The following CLVS2 variants were observed in gnomAD, a reference collection of about 807,000 sequenced individuals.
CLVS2 encodes the protein clavesin-2.
A neutral mutation model predicts 29.0 loss-of-function variants in CLVS2; 19 were observed. That is an observed-to-expected ratio of 0.66 (90% CI 0.46 to 0.96). The LOEUF is 0.96. Ranked by LOEUF, CLVS2 falls within the 40% of genes least tolerant of loss-of-function variation. CLVS2 has a pLI of 0.00. For missense variants in CLVS2, 294 were observed against 404.1 expected (o/e 0.73, Z 2.34); for synonymous variants, 161 against 151.3 (o/e 1.06, Z -0.47).
intron 2 of CLVS2, among the ~76,000 whole-genome samples, chr6:123,008,335 T>A (rs1774700000): frequency 6.6e-6 from 1 of 152,176 alleles, no homozygotes; most frequent in Admixed American, 6.5e-5. Flanking sequence ...TTTTGGGATT[T>A]GCCTTATATT....
chr6:123,056,521 G>A (rs1772696191), intron 5 of CLVS2, among the ~76,000 whole-genome samples: 1 of 152,054 alleles, frequency 6.6e-6, no homozygotes, highest in South Asian at 2.1e-4. Flanking sequence ...GCAATTATCT[G>A]TCAATTAAGG....
At chr6:123,041,398 C>A (rs1775232613) in intron 3 of CLVS2, among the ~76,000 whole-genome samples, 1 of 152,044 alleles carries the variant, frequency 6.6e-6, no homozygotes, top group Non-Finnish European at 1.5e-5. Flanking sequence ...CCTTAAGAAT[C>A]CATGGCAGAT....
intron 4 of CLVS2, among the ~76,000 whole-genome samples, chr6:123,049,983 A>G (rs1338156255): frequency 6.6e-6 from 1 of 152,200 alleles, no homozygotes; most frequent in Admixed American, 6.5e-5. Context: ...GTCTATATCA[A>G]GCATTAATGA....
chr6:123,004,821 G>A (rs1169140978), intron 2 of CLVS2, among the ~76,000 whole-genome samples: 1 of 152,148 alleles, frequency 6.6e-6, no homozygotes, highest in Non-Finnish European at 1.5e-5. Context: ...GCCGAGGCAA[G>A]AGAATCACTT....
intron 3 of CLVS2, among the ~76,000 whole-genome samples, chr6:123,042,419 AG>A (rs1775247125): frequency 6.6e-6 from 1 of 152,146 alleles, no homozygotes; most frequent in African/African-American, 2.4e-5. Flanking sequence ...CATCTAATCA[AG>A]TTCCTTTATT....
chr6:123,017,383 C>T (rs780088080), intron 3 of CLVS2, among the ~76,000 whole-genome samples: 55 of 152,162 alleles, frequency 3.6e-4, no homozygotes, highest in Admixed American at 1.0e-3. Context: ...AGTAAACACA[C>T]AGACTCGTGA....
intron 2 of CLVS2, among the ~76,000 whole-genome samples, chr6:123,004,014 A>T (rs1774628490): frequency 6.6e-6 from 1 of 152,166 alleles, no homozygotes; most frequent in Middle Eastern, 3.4e-3. Flanking sequence ...GCAAATGTAT[A>T]AAAAAAATCA....
chr6:123,003,795 C>T (rs1774624909), intron 2 of CLVS2, among the ~76,000 whole-genome samples: 1 of 152,184 alleles, frequency 6.6e-6, no homozygotes, highest in Admixed American at 6.5e-5. Flanking sequence ...CTGTGGGCTA[C>T]TCAGTGTTGT....
rs1449096022 is a variant in CLVS2, at chr6:123,068,702, G to T, written c.*4941G>T. 1 of 151,590 alleles carries T rather than the reference G, an allele frequency of 6.6e-6. No individual in the cohort carries two copies. Among genetic ancestry groups the T allele is most frequent in the Admixed American group, 6.6e-5 (1 of 15,180 alleles). The allele number at this position is 151,590 out of a possible 1,614,324, so 9.4% of individuals were successfully genotyped here. On this transcript the variant is annotated 3_prime_UTR_variant, in exon 6 of 6. Transcript: ENST00000275162. ...TTGAAGAATACTGAGTATATTATTT[G>T]CTATTTTACTCAAATGTTATTAATT...
intron 3 of CLVS2, among the ~76,000 whole-genome samples, chr6:123,046,622 G>A (rs1268140231): frequency 6.7e-6 from 1 of 149,948 alleles, no homozygotes; most frequent in Admixed American, 6.7e-5. Flanking sequence ...TTGCGCCACT[G>A]CACTCTAGCC....
chr6:123,025,773 A>G (rs1774991885), intron 3 of CLVS2, among the ~76,000 whole-genome samples: 1 of 152,130 alleles, frequency 6.6e-6, no homozygotes. Context: ...ATTCTGAGAG[A>G]CCACCTCAAC....
At chr6:123,004,963 A>T (rs1390030573) in intron 2 of CLVS2, among the ~76,000 whole-genome samples, 2 of 140,892 alleles carry the variant, frequency 1.4e-5, no homozygotes, top group Non-Finnish European at 3.1e-5. Flanking sequence ...AAAAAAAAAA[A>T]ACCAATTATC....
At chr6:123,021,843 G>A (rs926367667) in intron 3 of CLVS2, among the ~76,000 whole-genome samples, 3 of 151,936 alleles carry the variant, frequency 2.0e-5, no homozygotes, top group Non-Finnish European at 4.4e-5. Flanking sequence ...TGAGGATGAG[G>A]CCATATTTTT....
At position 123,070,045 on chromosome 6, in the gene CLVS2, C is replaced by T. The variant is rs955032703; in HGVS notation, c.*6284C>T. Reference sequence around the variant, plus strand: ...TGCATGCTGGTTTATAAATTATTACCTAAAAGTTTTATGAAATATAATTAT... The same window carrying T: ...TGCATGCTGGTTTATAAATTATTACTTAAAAGTTTTATGAAATATAATTAT... On this transcript the variant is annotated 3_prime_UTR_variant, in exon 6 of 6. Coordinates refer to ENST00000275162, the MANE Select transcript of CLVS2 (RefSeq NM_001010852.4). 4 of 151,688 alleles carry T rather than the reference C, an allele frequency of 2.6e-5. No individual in the cohort carries two copies. In the East Asian group the frequency reaches 7.7e-4, roughly 29 times the overall value. The allele number at this position is 151,688 out of a possible 1,614,324, so 9.4% of individuals were successfully genotyped here.
intron 3 of CLVS2, among the ~76,000 whole-genome samples, chr6:123,027,407 C>T (rs1775018881): frequency 6.6e-6 from 1 of 152,160 alleles, no homozygotes. Context: ...CACATTAGTG[C>T]AGGCCAAGCG....
At chr6:123,033,677 C>A (rs1037917225) in intron 3 of CLVS2, among the ~76,000 whole-genome samples, 6 of 151,608 alleles carry the variant, frequency 4.0e-5, no homozygotes, top group Admixed American at 1.3e-4. Context: ...GACTTGGTGC[C>A]CAGAGCATAA....
At chr6:123,013,523 A>G (rs1774781841) in intron 3 of CLVS2, among the ~76,000 whole-genome samples, 1 of 152,070 alleles carries the variant, frequency 6.6e-6, no homozygotes, top group African/African-American at 2.4e-5. Flanking sequence ...TAGCAGCCAG[A>G]GAGGAAACTT....
intron 3 of CLVS2, among the ~76,000 whole-genome samples, chr6:123,042,659 G>A (rs1234895755): frequency 6.6e-6 from 1 of 152,168 alleles, no homozygotes; most frequent in African/African-American, 2.4e-5. Context: ...TTTCCTGGCT[G>A]TCTCTTCTCA....
chr6:123,036,417 A>C (rs1473741470), intron 3 of CLVS2, among the ~76,000 whole-genome samples: 1 of 152,196 alleles, frequency 6.6e-6, no homozygotes, highest in Non-Finnish European at 1.5e-5. Context: ...TTTTGTAATA[A>C]ATCCAAGAAA....
Sources: allele counts gnomAD v4.1 joint callset (sites outside exome capture counted in the v4.1 genomes callset), GRCh38; gene constraint gnomAD v4.1.1; transcripts MANE v1.5; gene names NCBI Gene and HGNC (gene_info 2026-07-23, HGNC 2026-07-21).